CPLANE1: variants seen among roughly 807,000 people sequenced by gnomAD.
The protein encoded by CPLANE1 is ciliogenesis and planar polarity effector 1.
CPLANE1 carries 263 observed loss-of-function variants against 362.5 expected under a neutral mutation model. The ratio of observed to expected loss-of-function variants is 0.73; its 90% confidence interval spans 0.66 to 0.80. CPLANE1 has a LOEUF of 0.80. Among genes scored for constraint, CPLANE1 ranks in the 30% least tolerant of loss-of-function variants. The probability of loss-of-function intolerance (pLI) is 0.00; values close to 1 mark genes in which losing one functional copy is unlikely to be tolerated. For missense variants in CPLANE1, 3,461 were observed against 3,793.4 expected (o/e 0.91, Z 2.30); for synonymous variants, 1,212 against 1,302.6 (o/e 0.93, Z 1.50).
Position 37,209,728 on chromosome 5 carries a change from G to C in CPLANE1, c.2921-3303C>G. 2 of 1,225,936 alleles carry C rather than the reference G, an allele frequency of 1.6e-6. No individual in the cohort carries two copies. Among genetic ancestry groups the C allele is most frequent in the Non-Finnish European group, 2.4e-6 (2 of 828,716 alleles). The allele number at this position is 1,225,936 out of a possible 1,614,324, so 75.9% of individuals were successfully genotyped here. On this transcript the variant is annotated intron_variant, in intron 16 of 52. Coordinates refer to ENST00000651892, the MANE Select transcript of CPLANE1 (RefSeq NM_001384732.1). This position sits in a 1 kb window ranked among gnomAD's most constrained non-coding sequence, Gnocchi z 4.6. ...CTCATTAAAATCAACCCTACTTCCAGTCTGTACAAATCACTGGTTTCAGGA... is the reference window on the plus strand; with the variant it reads ...CTCATTAAAATCAACCCTACTTCCACTCTGTACAAATCACTGGTTTCAGGA...
chr5:37,222,629 A>G (rs1795599749), intron 14 of CPLANE1, among the ~76,000 whole-genome samples: 1 of 152,212 alleles, frequency 6.6e-6, no homozygotes, highest in African/African-American at 2.4e-5. Flanking sequence ...AATGTCCATA[A>G]TGGAACTCAT....
chr5:37,138,169 C>T (rs925552271), intron 46 of CPLANE1, among the ~76,000 whole-genome samples: 1 of 152,052 alleles, frequency 6.6e-6, no homozygotes, highest in Non-Finnish European at 1.5e-5. Flanking sequence ...TACGTGGTTG[C>T]CTAAATAGTT....
chr5:37,219,718 A>G (rs191650927), intron 15 of CPLANE1, among the ~76,000 whole-genome samples: 2 of 152,274 alleles, frequency 1.3e-5, no homozygotes, highest in African/African-American at 2.4e-5. Context: ...CAATAATGGG[A>G]AAAAGATTCA....
intron 51 of CPLANE1, among the ~76,000 whole-genome samples, chr5:37,114,756 C>A (rs184918753): frequency 2.3e-4 from 35 of 151,946 alleles, no homozygotes; most frequent in Non-Finnish European, 4.1e-4. Flanking sequence ...AAAAATTAAC[C>A]GGGCGCGGTG....
chr5:37,085,054 C>CCATGG, the CPLANE1 span: 1 of 688,206 alleles, frequency 1.5e-6, no homozygotes, highest in Non-Finnish European at 2.7e-6. Context: ...CCTAATGCAG[C>CCATGG]CATGGCTGGT....
rs997299614 is a variant in CPLANE1, at chr5:37,224,233, A to AT, written c.2581+19dup. 7.3e-6 allele frequency: 11 copies of AT among 1,512,388 alleles called. No individual in the cohort carries two copies. The African/African-American group carries it at 1.1e-4, about 15-fold the overall frequency. 93.7% of individuals were successfully genotyped at this position (1,512,388 alleles called of 1,614,324 possible). A position where few individuals can be genotyped will look rare whatever the true frequency, so the allele number is the denominator to read the frequency against. ...GAGTCCTGCTAATATTATGGCACAT[A>AT]TTTTTTAACACTCTCTTACCTTTCT... On this transcript the variant is annotated intron_variant, in intron 14 of 52. Coordinates refer to ENST00000651892, the MANE Select transcript of CPLANE1 (RefSeq NM_001384732.1).
rs145926641 is a variant in CPLANE1 at position 37,208,585 on chromosome 5, G to A, written c.2921-2160C>T. On this transcript the variant is annotated intron_variant, in intron 16 of 52. Coordinates refer to ENST00000651892, the MANE Select transcript of CPLANE1 (RefSeq NM_001384732.1). Reference sequence around the variant, plus strand: ...CCAGCTACTCAGGAGGCTGAGGCAGGAGAATGGCACGAGCCCAGGAGGCGG... The same window carrying A: ...CCAGCTACTCAGGAGGCTGAGGCAGAAGAATGGCACGAGCCCAGGAGGCGG... 4.6e-3 allele frequency among the ~76,000 whole-genome samples: 696 copies of A among 152,014 alleles called. 10 individuals are homozygous for A. The highest frequency in any genetic ancestry group is 0.016 in the African/African-American group (667 of 41,464).
chr5:37,134,794 C>CTTTTT (rs372028750), intron 46 of CPLANE1, among the ~76,000 whole-genome samples: 1 of 133,138 alleles, frequency 7.5e-6, no homozygotes, highest in Non-Finnish European at 1.6e-5. Flanking sequence ...AAACTTTCCA[C>CTTTTT]TTTTTTTTTT....
intron 24 of CPLANE1, among the ~76,000 whole-genome samples, chr5:37,185,992 T>C (rs1022392910): frequency 2.0e-5 from 3 of 152,188 alleles, no homozygotes; most frequent in Non-Finnish European, 2.9e-5. Flanking sequence ...AAGCAGGTAA[T>C]ACTATGCCCA....
At chr5:37,222,792 G>A (rs150450601) in intron 14 of CPLANE1, among the ~76,000 whole-genome samples, 1 of 152,228 alleles carries the variant, frequency 6.6e-6, no homozygotes, top group African/African-American at 2.4e-5. Context: ...TTAAATAACT[G>A]TCAAATGTAA....
downstream of CPLANE1, among the ~76,000 whole-genome samples, chr5:37,101,825 T>C (rs1013955381): frequency 4.6e-5 from 7 of 152,176 alleles, no homozygotes; most frequent in African/African-American, 1.4e-4. Context: ...TGGTTCAGTC[T>C]TGGGAGGGTG....
intron 35 of CPLANE1, among the ~76,000 whole-genome samples, chr5:37,166,373 C>G (rs553346941): frequency 2.0e-5 from 3 of 152,188 alleles, no homozygotes; most frequent in Non-Finnish European, 4.4e-5. Context: ...ATGATTGGTT[C>G]AAAGTATTAG....
In CPLANE1 at chr5:37,143,666, G is replaced by GT. The variant is rs577410953; in HGVS notation, c.8462-1187dup. Among the ~76,000 whole-genome samples the GT allele has an allele frequency of 1.3e-3, 191 of 152,342 alleles. 1 individual carries two copies. Among genetic ancestry groups the GT allele is most frequent in the Non-Finnish European group, 2.0e-3 (136 of 68,034 alleles). On this transcript the variant is annotated intron_variant, in intron 43 of 52. Coordinates refer to ENST00000651892, the MANE Select transcript of CPLANE1 (RefSeq NM_001384732.1). ...TGAGATAAGGAGGCCAGGCACAGTG[G>GT]TTCACACCTGTAATCCCAGCACTTT...
At position 37,107,268 on chromosome 5, in the gene CPLANE1, A is replaced by G; in HGVS notation, c.*334T>C. 5 of 1,034,052 alleles carry G rather than the reference A, an allele frequency of 4.8e-6. No homozygotes were observed. In the South Asian group the frequency reaches 2.3e-4, roughly 47 times the overall value. The allele number at this position is 1,034,052 out of a possible 1,614,324, so 64.1% of individuals were successfully genotyped here. A position where few individuals can be genotyped will look rare whatever the true frequency, so the allele number is the denominator to read the frequency against. On this transcript the variant is annotated 3_prime_UTR_variant, in exon 53 of 53. Coordinates refer to ENST00000651892, the MANE Select transcript of CPLANE1 (RefSeq NM_001384732.1). ...GGTTGTTTCTCAAAACTCAGAGGGT[A>G]ATAAAGGAGGAGGCAAGATAGAGGG... is the stretch of plus-strand genomic sequence containing the variant.
intron 14 of CPLANE1, among the ~76,000 whole-genome samples, chr5:37,223,830 G>A (rs564593571): frequency 5.3e-4 from 80 of 151,940 alleles, no homozygotes; most frequent in Middle Eastern, 6.8e-3. Flanking sequence ...GTTTCCTATT[G>A]AGATACTTGC....
Position 37,209,447 on chromosome 5 carries a change from G to A in CPLANE1, c.2921-3022C>T, listed in dbSNP as rs1311235829. 2.3e-6 allele frequency: 3 copies of A among 1,312,112 alleles called. No individual in the cohort carries two copies. Among genetic ancestry groups the A allele is most frequent in the South Asian group, 2.4e-5 (2 of 84,970 alleles). The allele number at this position is 1,312,112 out of a possible 1,614,324, so 81.3% of individuals were successfully genotyped here. A position where few individuals can be genotyped will look rare whatever the true frequency, so the allele number is the denominator to read the frequency against. On this transcript the variant is annotated intron_variant, in intron 16 of 52. Transcript: ENST00000651892. The surrounding 1 kb of genome is among the most constrained non-coding windows in gnomAD (Gnocchi z 4.6). ...GCAAAAAGCTATACCAGACATTTAA[G>A]GATCGGGGTATACTGGAAACACTCA...
rs1279539319 is a variant in CPLANE1 at position 37,224,798 on chromosome 5, C to T, written c.2292-58G>A. 7 of 1,207,796 alleles carry T rather than the reference C, an allele frequency of 5.8e-6. No homozygotes were observed. The African/African-American group carries it at 9.3e-5, about 16-fold the overall frequency. 74.8% of individuals were successfully genotyped at this position (1,207,796 alleles called of 1,614,324 possible). On this transcript the variant is annotated intron_variant, in intron 12 of 52. Transcript: ENST00000651892. ...AATTTCAGGCTAATGATGAGTTTAG[C>T]CTCCTTTTTAGCCTATTTTTTTTTT...
chr5:37,133,327 T>C (rs1294681632), intron 46 of CPLANE1, among the ~76,000 whole-genome samples: 1 of 152,222 alleles, frequency 6.6e-6, no homozygotes, highest in Admixed American at 6.5e-5. Flanking sequence ...ATTGGTAGCT[T>C]GATAGAAATA....
chr5:37,094,808 T>C, the CPLANE1 span, among the ~76,000 whole-genome samples: 3 of 152,216 alleles, frequency 2.0e-5, no homozygotes, highest in Non-Finnish European at 4.4e-5. Flanking sequence ...TGAACACTTT[T>C]ATGCACATAA....
Sources: allele counts gnomAD v4.1 joint callset (sites outside exome capture counted in the v4.1 genomes callset), GRCh38; gene constraint gnomAD v4.1.1; non-coding constraint Gnocchi (gnomAD v3.1); transcripts MANE v1.5; gene names NCBI Gene and HGNC (gene_info 2026-07-23, HGNC 2026-07-21).